MASP1: variants seen among roughly 807,000 people sequenced by gnomAD.
MASP1 encodes MBL associated serine protease 1, also known as mannan-binding lectin serine protease 1.
Under a neutral mutation model 77.1 loss-of-function variants are expected in MASP1, and 59 were observed. The observed-to-expected ratio is 0.77, with a 90% confidence interval of 0.62 to 0.95. MASP1 has a LOEUF of 0.95. Among genes scored for constraint, MASP1 ranks in the 40% least tolerant of loss-of-function variants. MASP1 has a pLI of 0.00. For synonymous variants in MASP1, 362 were observed against 354.5 expected (o/e 1.02, Z -0.24); for missense variants, 885 against 912.9 (o/e 0.97, Z 0.39).
Position 187,225,193 on chromosome 3 carries a change from A to AG in MASP1, c.1741+130dup, listed in dbSNP as rs1712340785. On this transcript the variant is annotated intron_variant, in intron 13 of 15. Transcript: ENST00000337774. ...GACCCAGTTCTGACTTGGCTGTTTG[A>AG]GGGGAAGCAGTTGGTGAGTCAAGCA... The AG allele has an allele frequency of 1.6e-5, 16 of 1,031,654 alleles. No homozygotes were observed. In the South Asian group the frequency reaches 2.1e-4, roughly 13 times the overall value. The allele number at this position is 1,031,654 out of a possible 1,614,324, so 63.9% of individuals were successfully genotyped here.
chr3:187,291,611 C>G lies in MASP1; in HGVS notation c.5+17G>C. 1.9e-6 allele frequency: 3 copies of G among 1,614,218 alleles called. No individual in the cohort carries two copies. The highest frequency in any genetic ancestry group is 2.5e-6 in the Non-Finnish European group (3 of 1,180,020). On this transcript the variant is annotated intron_variant, in intron 1 of 10. Transcript: ENST00000296280. ...TCCCCAAAAGGGAACCGTGCCCTCT[C>G]CTCCCCTGGCACGTACCTCATTTTC...
intron 8 of MASP1, chr3:187,247,061 TC>T: frequency 7.3e-7 from 1 of 1,363,560 alleles, no homozygotes. Context: ...AAAAGTACAG[TC>T]CACTCAGAGG....
At position 187,234,676 on chromosome 3, in the gene MASP1, G is replaced by T; in HGVS notation, c.*1008C>A. 1 of 1,287,146 alleles carries T rather than the reference G, an allele frequency of 7.8e-7. No individual in the cohort carries two copies. Among genetic ancestry groups the T allele is most frequent in the Non-Finnish European group, 1.0e-6 (1 of 988,688 alleles). 79.7% of individuals were successfully genotyped at this position (1,287,146 alleles called of 1,614,324 possible). ...TGCCCCAGGGATGCCAGGCAGCCTGGCAGGATTTGGGTGACTTCTAATGTG... is the reference window on the plus strand; with the variant it reads ...TGCCCCAGGGATGCCAGGCAGCCTGTCAGGATTTGGGTGACTTCTAATGTG... On this transcript the variant is annotated 3_prime_UTR_variant, in exon 11 of 11. Transcript: ENST00000296280.
In MASP1 at chr3:187,285,156, ATT is replaced by A. The variant is rs5855131; in HGVS notation, c.237+667_237+668del. On this transcript the variant is annotated intron_variant, in intron 2 of 10. Coordinates refer to ENST00000296280, the MANE Select transcript of MASP1 (RefSeq NM_139125.4). ...AGAAGAACAGCTTCCCACCCATGGA[ATT>A]TTTTTTTTTGTGGGGGGTTCTCTAA... Among the ~76,000 whole-genome samples the A allele has an allele frequency of 3.6e-4, 54 of 150,762 alleles. 1 individual carries two copies. The highest frequency in any genetic ancestry group is 1.1e-3 in the African/African-American group (46 of 41,198).
At chr3:187,233,492 T>A (rs548392292), downstream of MASP1, among the ~76,000 whole-genome samples, 37 of 152,340 alleles carry the variant, frequency 2.4e-4, no homozygotes, top group South Asian at 1.9e-3. Flanking sequence ...TTTAAGTTCC[T>A]ATAGTACTTA....
intron 2 of MASP1, among the ~76,000 whole-genome samples, chr3:187,265,740 G>C (rs1029365269): frequency 2.0e-5 from 3 of 152,152 alleles, no homozygotes; most frequent in Non-Finnish European, 4.4e-5. Flanking sequence ...TTTTGCTTTG[G>C]GAACTATTCT....
intron 2 of MASP1, among the ~76,000 whole-genome samples, chr3:187,275,992 A>G (rs771566430): frequency 6.7e-6 from 1 of 149,828 alleles, no homozygotes. Flanking sequence ...TGTACCTCTC[A>G]GTCTTCATTC....
intron 8 of MASP1, among the ~76,000 whole-genome samples, chr3:187,248,666 C>T (rs1033505189): frequency 3.3e-5 from 5 of 152,168 alleles, no homozygotes; most frequent in African/African-American, 7.2e-5. Flanking sequence ...GTGGCCACCA[C>T]CACTTGAGTT....
intron 5 of MASP1, among the ~76,000 whole-genome samples, chr3:187,253,540 G>T (rs905372801): frequency 1.3e-5 from 2 of 152,150 alleles, no homozygotes; most frequent in Non-Finnish European, 2.9e-5. Flanking sequence ...GACAAGGCAG[G>T]TTAATAATCC....
At position 187,260,871 on chromosome 3, in the gene MASP1, A is replaced by G. The variant is rs72549252; in HGVS notation, c.417T>C (p.Asp139=). 2,488 of 1,614,110 alleles carry G rather than the reference A, an allele frequency of 1.5e-3. 41 individuals are homozygous for G. In the African/African-American group the frequency reaches 0.03, roughly 19 times the overall value. The change falls in exon 4 of 11, where the codon GAT becomes GAC. Residue 139 remains aspartate, a splice_region_variant and synonymous_variant. Transcript: ENST00000296280. ...TGFDAHYMAV[D]VDECKEREDE... is the part of the protein sequence containing the mutation. ...CCTCCCTCTCCTTGCACTCGTCCAC[A>G]TCTGTAGGGCAGGTAAAGCCTCTCC...
chr3:187,274,478 G>C (rs1716792178), intron 2 of MASP1, among the ~76,000 whole-genome samples: 1 of 152,110 alleles, frequency 6.6e-6, no homozygotes, highest in South Asian at 2.1e-4. Context: ...CAGCTGATAA[G>C]CCACCTGCCA....
In MASP1 at chr3:187,260,748, G is replaced by GGT. The variant is rs763760051; in HGVS notation, c.538_539dup (p.Cys181ProfsTer17). 6.2e-7 allele frequency: 1 copy of GGT among 1,614,180 alleles called. No homozygotes were observed. Among genetic ancestry groups the GGT allele is most frequent in the Non-Finnish European group, 8.5e-7 (1 of 1,180,036 alleles). On this transcript the variant is annotated frameshift_variant, in exon 4 of 11. Coordinates refer to ENST00000296280, the MANE Select transcript of MASP1 (RefSeq NM_139125.4). LOFTEE classifies it high-confidence loss of function. ...ATCATTGGTAGGCTCTACCTCGGCA[G>GGT]GTCCTGTTGTCTGTGTGGAGGATGT...
downstream of MASP1, among the ~76,000 whole-genome samples, chr3:187,230,587 C>A (rs1241837396): frequency 2.6e-5 from 4 of 152,186 alleles, no homozygotes; most frequent in Non-Finnish European, 5.9e-5. Context: ...CTCAGAGAAG[C>A]CCTTCCTCAG....
intron 2 of MASP1, among the ~76,000 whole-genome samples, chr3:187,266,171 T>C (rs1019008542): frequency 6.6e-6 from 1 of 152,242 alleles, no homozygotes; most frequent in African/African-American, 2.4e-5. Context: ...TGGGCGACTA[T>C]GTCCTTAGAG....
rs1715140011 is a variant in MASP1, at chr3:187,256,919, C to T, written c.548-59G>A. On this transcript the variant is annotated intron_variant, in intron 4 of 10. Transcript: ENST00000296280. The stretch of plus-strand genomic sequence containing the variant: ...GCAACCACAGCCATAGCAAGCCTGG[C>T]TTATCTGTTACTATATGATTTTCCC... 3.4e-6 allele frequency: 5 copies of T among 1,470,578 alleles called. No homozygotes were observed. The South Asian group carries it at 3.4e-5, about 10-fold the overall frequency. The allele number at this position is 1,470,578 out of a possible 1,614,324, so 91.1% of individuals were successfully genotyped here.
downstream of MASP1, chr3:187,234,067 C>A (rs1712928224): frequency 1.6e-6 from 2 of 1,235,334 alleles, no homozygotes; most frequent in South Asian, 1.4e-5. Context: ...AATAACAAAA[C>A]CCATAAGCCA....
intron 7 of MASP1, among the ~76,000 whole-genome samples, chr3:187,251,085 A>G (rs1016065868): frequency 1.3e-5 from 2 of 151,932 alleles, no homozygotes; most frequent in Non-Finnish European, 2.9e-5. Flanking sequence ...CAGCCTCCCA[A>G]GTAGCTGGGA....
chr3:187,233,917 C>T (rs1190624207), downstream of MASP1, among the ~76,000 whole-genome samples: 3 of 152,230 alleles, frequency 2.0e-5, no homozygotes, highest in Non-Finnish European at 4.4e-5. Flanking sequence ...GATCAATAAC[C>T]AAATCCTTTC....
intron 2 of MASP1, among the ~76,000 whole-genome samples, chr3:187,270,271 G>C (rs2108580432): frequency 6.6e-6 from 1 of 152,308 alleles, no homozygotes; most frequent in Admixed American, 6.5e-5. Context: ...CAACTCATCT[G>C]TGCACTTCCT....
Sources: allele counts gnomAD v4.1 joint callset (sites outside exome capture counted in the v4.1 genomes callset), GRCh38; gene constraint gnomAD v4.1.1; transcripts MANE v1.5; gene names NCBI Gene and HGNC (gene_info 2026-07-23, HGNC 2026-07-21).